WNT2B: variants seen among roughly 807,000 people sequenced by gnomAD.
The protein encoded by WNT2B is Wnt family member 2B.
WNT2B carries 19 observed loss-of-function variants against 40.5 expected under a neutral mutation model. That is an observed-to-expected ratio of 0.47 (90% CI 0.33 to 0.69). The LOEUF (loss-of-function observed/expected upper bound fraction) is 0.69. WNT2B is among the 30% of genes least tolerant of loss of function. The probability of loss-of-function intolerance (pLI) is 0.02; values close to 1 mark genes in which losing one functional copy is unlikely to be tolerated. For synonymous variants in WNT2B, 220 were observed against 211.9 expected (o/e 1.04, Z -0.33); for missense variants, 467 against 556.4 (o/e 0.84, Z 1.62).
At chr1:112,483,377 G>A (rs988653292) in intron 1 of WNT2B, among the ~76,000 whole-genome samples, 1 of 152,076 alleles carries the variant, frequency 6.6e-6, no homozygotes, top group Non-Finnish European at 1.5e-5. Flanking sequence ...CACACAATTG[G>A]AAAAGGATCA....
intron 1 of WNT2B, among the ~76,000 whole-genome samples, chr1:112,488,360 C>T (rs1387268895): frequency 5.3e-5 from 8 of 151,892 alleles, no homozygotes; most frequent in African/African-American, 1.9e-4. Context: ...AAATATTTTG[C>T]GCCTTAAGGG....
At chr1:112,498,545 T>TC (rs966715648) in intron 1 of WNT2B, among the ~76,000 whole-genome samples, 12 of 143,044 alleles carry the variant, frequency 8.4e-5, no homozygotes, top group African/African-American at 2.5e-4. Flanking sequence ...AATCTCTCTC[T>TC]TTTTTTTTTT....
intron 1 of WNT2B, among the ~76,000 whole-genome samples, chr1:112,513,998 G>A (rs1332871720): frequency 6.6e-6 from 1 of 152,180 alleles, no homozygotes; most frequent in Admixed American, 6.5e-5. Flanking sequence ...AAAACTGAGT[G>A]AAGAGAAAAT....
intron 1 of WNT2B, among the ~76,000 whole-genome samples, chr1:112,475,762 A>G (rs1651037459): frequency 6.6e-6 from 1 of 152,178 alleles, no homozygotes; most frequent in African/African-American, 2.4e-5. Context: ...AGAAGGAAAG[A>G]AGAACAAAGA....
At chr1:112,508,812 A>T (rs970293833), upstream of WNT2B, 49 of 990,026 alleles carry the variant, frequency 4.9e-5, no homozygotes, top group Non-Finnish European at 5.9e-5. The surrounding 1 kb of genome is among the most constrained non-coding windows in gnomAD (Gnocchi z 4.2). Flanking sequence ...GGCGCGCGGG[A>T]GCCCCGAGGG....
upstream of WNT2B, chr1:112,508,646 C>T: frequency 2.1e-6 from 2 of 935,582 alleles, no homozygotes; most frequent in Non-Finnish European, 2.6e-6. This position sits in a 1 kb window ranked among gnomAD's most constrained non-coding sequence, Gnocchi z 4.2. Flanking sequence ...CTTCCCGCTC[C>T]GCCAGCCTGG....
At chr1:112,472,803 A>G (rs1650921542) in intron 1 of WNT2B, among the ~76,000 whole-genome samples, 1 of 152,046 alleles carries the variant, frequency 6.6e-6, no homozygotes, top group South Asian at 2.1e-4. Flanking sequence ...TCTCTACAAA[A>G]AATACAAAAT....
At chr1:112,470,998 A>G (rs866367223) in intron 1 of WNT2B, among the ~76,000 whole-genome samples, 2 of 152,194 alleles carry the variant, frequency 1.3e-5, no homozygotes, top group Non-Finnish European at 1.5e-5. Context: ...CATGTGGGCC[A>G]GGGTACTGGG....
intron 1 of WNT2B, among the ~76,000 whole-genome samples, chr1:112,494,366 G>A (rs564022335): frequency 2.6e-5 from 4 of 151,188 alleles, no homozygotes; most frequent in East Asian, 1.9e-4. Context: ...AGAAGAAAGC[G>A]GAGAAAAATA....
At chr1:112,475,377 G>C (rs955588532) in intron 1 of WNT2B, among the ~76,000 whole-genome samples, 1 of 152,136 alleles carries the variant, frequency 6.6e-6, no homozygotes, top group Admixed American at 6.5e-5. Flanking sequence ...ACAAAGGAAT[G>C]ATGAGCATCA....
intron 1 of WNT2B, among the ~76,000 whole-genome samples, chr1:112,485,465 A>C (rs1448857170): frequency 6.6e-6 from 1 of 151,976 alleles, no homozygotes; most frequent in Non-Finnish European, 1.5e-5. Context: ...TGTCTCAAAA[A>C]AAAAAAAAAA....
Position 112,525,748 on chromosome 1 carries a change from G to GT in WNT2B, c.*5240dup. 2.9e-6 allele frequency: 1 copy of GT among 344,162 alleles called. No individual in the cohort carries two copies. Among genetic ancestry groups the GT allele is most frequent in the African/African-American group, 2.1e-5 (1 of 48,490 alleles). The allele number at this position is 344,162 out of a possible 1,614,324, so 21.3% of individuals were successfully genotyped here. A position where few individuals can be genotyped will look rare whatever the true frequency, so the allele number is the denominator to read the frequency against. ...CTTGACTTCAACCCCAACAGCCCCT[G>GT]TAAGTAGCCCTGGCCAAACAGAAAG... is the stretch of plus-strand genomic sequence containing the variant. On this transcript the variant is annotated 3_prime_UTR_variant, in exon 5 of 5. Coordinates refer to ENST00000369684, the MANE Select transcript of WNT2B (RefSeq NM_024494.3).
chr1:112,488,065 G>A (rs555522012), intron 1 of WNT2B, among the ~76,000 whole-genome samples: 3 of 151,546 alleles, frequency 2.0e-5, no homozygotes, highest in South Asian at 2.1e-4. Flanking sequence ...AGGCCAAGGC[G>A]GGCAAATCAC....
At chr1:112,469,642 C>T (rs1320791436) in intron 1 of WNT2B, among the ~76,000 whole-genome samples, 6 of 149,228 alleles carry the variant, frequency 4.0e-5, no homozygotes, top group South Asian at 4.2e-4. Context: ...TTTTTTGAGA[C>T]GGAGCTCTGT....
At chr1:112,516,875 A>G (rs1652574198) in intron 3 of WNT2B, among the ~76,000 whole-genome samples, 1 of 152,200 alleles carries the variant, frequency 6.6e-6, no homozygotes, top group Admixed American at 6.5e-5. Flanking sequence ...CTGTGGCTCT[A>G]CAGTTCAGTG....
At chr1:112,486,826 T>A (rs929920966) in intron 1 of WNT2B, among the ~76,000 whole-genome samples, 1 of 152,178 alleles carries the variant, frequency 6.6e-6, no homozygotes, top group Non-Finnish European at 1.5e-5. Flanking sequence ...AAGAACTTTT[T>A]ATATTATGTG....
chr1:112,502,779 G>A (rs1557916471), intron 1 of WNT2B, among the ~76,000 whole-genome samples: 1 of 152,190 alleles, frequency 6.6e-6, no homozygotes, highest in Non-Finnish European at 1.5e-5. Flanking sequence ...TGAAATGACT[G>A]GTGCAGTTTT....
intron 1 of WNT2B, among the ~76,000 whole-genome samples, chr1:112,495,675 A>G (rs552507072): frequency 6.6e-6 from 1 of 152,240 alleles, no homozygotes; most frequent in Non-Finnish European, 1.5e-5. Flanking sequence ...AGAGATTGTC[A>G]GACTGATCAA....
chr1:112,494,037 CG>C (rs1427369258), intron 1 of WNT2B, among the ~76,000 whole-genome samples: 9 of 151,886 alleles, frequency 5.9e-5, no homozygotes, highest in Admixed American at 5.9e-4. Context: ...CGGCCAGGCG[CG>C]GTGGCTCATG....
Sources: allele counts gnomAD v4.1 joint callset (sites outside exome capture counted in the v4.1 genomes callset), GRCh38; gene constraint gnomAD v4.1.1; non-coding constraint Gnocchi (gnomAD v3.1); transcripts MANE v1.5; gene names NCBI Gene and HGNC (gene_info 2026-07-23, HGNC 2026-07-21).